Variants in EML4 observed in about 807,000 individuals in gnomAD.
EML4 encodes EMAP like 4, also known as echinoderm microtubule-associated protein-like 4.
A neutral mutation model predicts 129.0 loss-of-function variants in EML4; 72 were observed. That is an observed-to-expected ratio of 0.56 (90% CI 0.46 to 0.68). The LOEUF is 0.68. EML4 is among the 30% of genes least tolerant of loss of function. The pLI is 0.00. For missense variants in EML4, 1,363 were observed against 1,190.6 expected, an observed-to-expected ratio of 1.14 and a Z score of -2.13; for synonymous variants, 532 against 405.0, an observed-to-expected ratio of 1.31 and a Z score of -3.77.
rs1670301910 is a variant in EML4, at chr2:42,171,866, G to T, written c.25+2230G>T. Among the ~76,000 whole-genome samples the T allele has an allele frequency of 3.9e-5, 6 of 152,158 alleles. No homozygotes were observed. The South Asian group carries it at 1.2e-3, about 32-fold the overall frequency. On this transcript the variant is annotated intron_variant, in intron 1 of 22. Transcript: ENST00000318522. ...ATCTTAATTGAAACCTTAAAGGGGT[G>T]GGGGAGGAGTAGTGCTGGTATATTT...
At chr2:42,286,050 G>C in intron 9 of EML4, 1 of 606,280 alleles carries the variant, frequency 1.6e-6, no homozygotes, top group Non-Finnish European at 3.0e-6. Context: ...AATAGTATGT[G>C]TAACATAGTA....
At chr2:42,228,033 A>G (rs950820896) in intron 1 of EML4, among the ~76,000 whole-genome samples, 1 of 152,144 alleles carries the variant, frequency 6.6e-6, no homozygotes, top group African/African-American at 2.4e-5. Flanking sequence ...CAGCCTGGCC[A>G]ACATGGTGAA....
intron 2 of EML4, among the ~76,000 whole-genome samples, chr2:42,246,159 C>T (rs143583751): frequency 1.3e-4 from 20 of 152,252 alleles, no homozygotes; most frequent in African/African-American, 4.1e-4. Flanking sequence ...CTGAAGCTTA[C>T]GAGCCCAGTA....
At chr2:42,216,778 G>T (rs1673221083) in intron 1 of EML4, among the ~76,000 whole-genome samples, 1 of 152,160 alleles carries the variant, frequency 6.6e-6, no homozygotes, top group South Asian at 2.1e-4. Context: ...CAACAATTGA[G>T]TTGCTTTCTT....
Position 42,304,548 on chromosome 2 carries a change from G to A in EML4, c.1964G>A (p.Gly655Asp). ...GTGGTGGCCATAGGAACGCACTCAGGCAGGTAGGGTCTTTAAGTGAACTGA... is the reference window on the plus strand; with the variant it reads ...GTGGTGGCCATAGGAACGCACTCAGACAGGTAGGGTCTTTAAGTGAACTGA... ...GTVVAIGTHSGRWFVLDAETR... is the reference protein window; with the variant it reads ...GTVVAIGTHSDRWFVLDAETR... The change falls in exon 17 of 23, where the codon GGC (glycine) becomes GAC (aspartate). Residue 655 changes from glycine (G) to aspartate (D), a missense_variant. Gly to Asp is a moderately conservative substitution (Grantham distance 94). Transcript: ENST00000318522. 1.2e-6 allele frequency: 2 copies of A among 1,612,994 alleles called. No homozygotes were observed. The highest frequency in any genetic ancestry group is 1.7e-6 in the Non-Finnish European group (2 of 1,178,960).
At position 42,255,583 on chromosome 2, in the gene EML4, A is replaced by G. The variant is rs927305446; in HGVS notation, c.209-918A>G. Among the ~76,000 whole-genome samples the G allele has an allele frequency of 8.5e-5, 13 of 152,240 alleles. 1 individual carries two copies. Among genetic ancestry groups the G allele is most frequent in the Admixed American group, 5.9e-4 (9 of 15,292 alleles). On this transcript the variant is annotated intron_variant, in intron 2 of 22. Transcript: ENST00000318522. Reference sequence around the variant, plus strand: ...CAATAAGTAACTTGTTTGACGTACTAGAACTAAATCTGATGACCAGTGATA... The same window carrying G: ...CAATAAGTAACTTGTTTGACGTACTGGAACTAAATCTGATGACCAGTGATA...
intron 19 of EML4, among the ~76,000 whole-genome samples, chr2:42,319,152 G>T (rs1293186846): frequency 6.6e-6 from 1 of 152,162 alleles, no homozygotes; most frequent in African/African-American, 2.4e-5. Context: ...ACTTGTCATT[G>T]GTGTCATCTT....
intron 1 of EML4, among the ~76,000 whole-genome samples, chr2:42,225,183 C>T (rs569651613): frequency 6.6e-6 from 1 of 152,040 alleles, no homozygotes; most frequent in Middle Eastern, 3.4e-3. Context: ...TGCTTTCCAC[C>T]CCTTGGCTGT....
intron 1 of EML4, among the ~76,000 whole-genome samples, chr2:42,191,102 A>G (rs1004319325): frequency 6.6e-6 from 1 of 152,188 alleles, no homozygotes; most frequent in Non-Finnish European, 1.5e-5. Flanking sequence ...TTGAAAGACA[A>G]AGTGATTGCA....
intron 1 of EML4, among the ~76,000 whole-genome samples, chr2:42,175,289 A>AT (rs1178229687): frequency 1.3e-5 from 2 of 149,222 alleles, no homozygotes; most frequent in African/African-American, 4.9e-5. Flanking sequence ...AATTTTTTGT[A>AT]TTTTTAGTAG....
chr2:42,320,127 C>G lies in EML4; in HGVS notation c.2154+2603C>G, dbSNP rs1669444508. The G allele has an allele frequency of 2.6e-5, 4 of 152,152 alleles. No individual in the cohort carries two copies. In the South Asian group the frequency reaches 8.3e-4, roughly 32 times the overall value. 9.4% of individuals were successfully genotyped at this position (152,152 alleles called of 1,614,324 possible). On this transcript the variant is annotated intron_variant, in intron 19 of 22. Coordinates refer to ENST00000318522, the MANE Select transcript of EML4 (RefSeq NM_019063.5). Reference sequence around the variant, plus strand: ...AACAGCACTTCTTGGTAGAGGGCAGCTAGCTGATGCATGGGTCCCTTAATG... The same window carrying G: ...AACAGCACTTCTTGGTAGAGGGCAGGTAGCTGATGCATGGGTCCCTTAATG...
chr2:42,328,561 G>C (rs1669932057), intron 21 of EML4, among the ~76,000 whole-genome samples: 1 of 152,180 alleles, frequency 6.6e-6, no homozygotes, highest in Non-Finnish European at 1.5e-5. Context: ...CTTTAAAAAG[G>C]AAGAGCTTAT....
intron 13 of EML4, among the ~76,000 whole-genome samples, chr2:42,296,903 A>G (rs1216209099): frequency 6.6e-6 from 1 of 152,256 alleles, no homozygotes; most frequent in Admixed American, 6.5e-5. Context: ...TCAAAAAATA[A>G]TAAATTGAAC....
chr2:42,175,969 A>G (rs541458224), intron 1 of EML4, among the ~76,000 whole-genome samples: 1 of 148,518 alleles, frequency 6.7e-6, no homozygotes, highest in South Asian at 2.1e-4. Context: ...ATAATTTTGC[A>G]TTCTGTTTTT....
At chr2:42,267,769 C>G (rs1228238303) in intron 6 of EML4, among the ~76,000 whole-genome samples, 2 of 152,270 alleles carry the variant, frequency 1.3e-5, no homozygotes, top group Admixed American at 6.5e-5. Flanking sequence ...TCTTACTGAC[C>G]TATATGTTTA....
intron 1 of EML4, among the ~76,000 whole-genome samples, chr2:42,233,281 T>C (rs1674461923): frequency 6.6e-6 from 1 of 151,960 alleles, no homozygotes; most frequent in Non-Finnish European, 1.5e-5. Flanking sequence ...CAAAAAGAGA[T>C]AAATTGTTTG....
At chr2:42,285,067 C>CTTAG (rs1553384980) in intron 9 of EML4, among the ~76,000 whole-genome samples, 2 of 149,768 alleles carry the variant, frequency 1.3e-5, no homozygotes, top group Admixed American at 6.6e-5. Flanking sequence ...TATTTACTTT[C>CTTAG]TTAATTAATT....
intron 19 of EML4, among the ~76,000 whole-genome samples, chr2:42,322,498 C>T (rs1005105040): frequency 6.6e-6 from 1 of 152,196 alleles, no homozygotes; most frequent in Admixed American, 6.5e-5. Context: ...CAGTTGCAAA[C>T]CACTGATTCA....
At chr2:42,303,966 C>T (rs1255558642) in intron 16 of EML4, among the ~76,000 whole-genome samples, 2 of 152,270 alleles carry the variant, frequency 1.3e-5, no homozygotes, top group South Asian at 4.1e-4. Context: ...AGCGTAAAAG[C>T]TCAATTTGTC....
Sources: allele counts gnomAD v4.1 joint callset (sites outside exome capture counted in the v4.1 genomes callset), GRCh38; gene constraint gnomAD v4.1.1; transcripts MANE v1.5; gene names NCBI Gene and HGNC (gene_info 2026-07-23, HGNC 2026-07-21).